The following EPHA5 variants were observed in gnomAD, a reference collection of about 807,000 sequenced individuals.
The protein encoded by EPHA5 is ephrin type-A receptor 5.
A neutral mutation model predicts 105.0 loss-of-function variants in EPHA5; 60 were observed. The ratio of observed to expected loss-of-function variants is 0.57; its 90% CI spans 0.46 to 0.71. The LOEUF (loss-of-function observed/expected upper bound fraction) is 0.71. Among genes scored for constraint, EPHA5 ranks in the 30% least tolerant of loss-of-function variants. The pLI is 0.00. For synonymous variants in EPHA5, 513 were observed against 449.1 expected, an observed-to-expected ratio of 1.14 and a Z score of -1.80; for missense variants, 1,218 against 1,274.7, an observed-to-expected ratio of 0.96 and a Z score of 0.68.
chr4:65,384,954 T>A (rs1353500420), intron 8 of EPHA5, among the ~76,000 whole-genome samples: 2 of 151,422 alleles, frequency 1.3e-5, no homozygotes, highest in Non-Finnish European at 2.9e-5. Flanking sequence ...CCCCAGTCAT[T>A]TCACAGCTGA....
Position 65,348,659 on chromosome 4 carries a change from G to GATAT in EPHA5, c.2446-460_2446-457dup, listed in dbSNP as rs36206921. Among the ~76,000 whole-genome samples, 338 of 60,072 alleles carry GATAT rather than the reference G, an allele frequency of 5.6e-3. 3 individuals carry two copies. Among genetic ancestry groups the GATAT allele is most frequent in the African/African-American group, 0.018 (308 of 16,970 alleles). 39.4% of individuals were successfully genotyped at this position (60,072 alleles called of 152,430 possible). On this transcript the variant is annotated intron_variant, in intron 13 of 16. Coordinates refer to ENST00000613740, the MANE Select transcript of EPHA5 (RefSeq NM_001281766.3). The stretch of plus-strand genomic sequence containing the variant: ...TAATAAGAAAAGCATAAACATTGGA[G>GATAT]ATATATATATATATATATATATATA...
intron 2 of EPHA5, among the ~76,000 whole-genome samples, chr4:65,619,890 C>T (rs1745560408): frequency 6.6e-6 from 1 of 151,344 alleles, no homozygotes; most frequent in Non-Finnish European, 1.5e-5. Context: ...AACACTCATT[C>T]ATAACAGTAT....
intron 5 of EPHA5, among the ~76,000 whole-genome samples, chr4:65,489,072 T>G (rs1039341903): frequency 6.6e-6 from 1 of 151,990 alleles, no homozygotes; most frequent in Admixed American, 6.6e-5. Flanking sequence ...TTATTATTTT[T>G]ATTTTTAGTA....
At chr4:65,461,350 A>G (rs1319004647) in intron 5 of EPHA5, among the ~76,000 whole-genome samples, 2 of 152,000 alleles carry the variant, frequency 1.3e-5, no homozygotes, top group Non-Finnish European at 2.9e-5. Context: ...CACATGTATT[A>G]AAAGGATGTC....
rs192087134 is a variant in EPHA5 at position 65,325,159 on chromosome 4, A to T, written c.2946-940T>A. On this transcript the variant is annotated intron_variant, in intron 16 of 16. Transcript: ENST00000613740. The stretch of plus-strand genomic sequence containing the variant: ...TTTCTCAAGGTAATTACCTTATTGA[A>T]CACATTATGTGAAAAGTGGAATCTT... Among the ~76,000 whole-genome samples, 594 of 151,540 alleles carry T rather than the reference A, an allele frequency of 3.9e-3. 2 individuals carry two copies. The highest frequency in any genetic ancestry group is 6.8e-3 in the Non-Finnish European group (458 of 67,606).
intron 15 of EPHA5, among the ~76,000 whole-genome samples, chr4:65,333,616 T>G (rs1261693697): frequency 6.9e-6 from 1 of 145,836 alleles, no homozygotes; most frequent in Non-Finnish European, 1.5e-5. Context: ...TGCTAGTCTT[T>G]TTTTTTTTTT....
rs140316853 is a variant in EPHA5, at chr4:65,445,382, T to TTTAAGAGCA, written c.1403-24826_1403-24818dup. Among the ~76,000 whole-genome samples, 659 of 152,254 alleles carry TTTAAGAGCA rather than the reference T, an allele frequency of 4.3e-3. 10 individuals carry two copies. The East Asian group carries it at 0.065, about 15-fold the overall frequency. On this transcript the variant is annotated intron_variant, in intron 5 of 16. Coordinates refer to ENST00000613740, the MANE Select transcript of EPHA5 (RefSeq NM_001281766.3). ...TATTTAATTGACTTATTCATCAGTG[T>TTTAAGAGCA]TTAAGAGCATTGATAATCACAGATG... is the stretch of plus-strand genomic sequence containing the variant.
intron 5 of EPHA5, among the ~76,000 whole-genome samples, chr4:65,439,379 A>ATCTTTGC: frequency 6.6e-6 from 1 of 152,038 alleles, no homozygotes; most frequent in Non-Finnish European, 1.5e-5. Flanking sequence ...AAGGTGCACA[A>ATCTTTGC]TCTTTGCTGA....
intron 5 of EPHA5, among the ~76,000 whole-genome samples, chr4:65,465,904 G>A (rs1409928657): frequency 2.6e-5 from 4 of 152,188 alleles, no homozygotes; most frequent in African/African-American, 9.6e-5. Flanking sequence ...TTTTCTGTGT[G>A]TACACACAAT....
At chr4:65,563,716 AT>A (rs890422957) in intron 3 of EPHA5, among the ~76,000 whole-genome samples, 1 of 151,998 alleles carries the variant, frequency 6.6e-6, no homozygotes, top group Non-Finnish European at 1.5e-5. Context: ...TGATGAAAAT[AT>A]TTGGAAATTA....
chr4:65,609,272 T>A (rs1304986265), intron 2 of EPHA5, among the ~76,000 whole-genome samples: 1 of 152,222 alleles, frequency 6.6e-6, no homozygotes, highest in African/African-American at 2.4e-5. Flanking sequence ...AACCTTGTTA[T>A]ATTTCCTCAA....
intron 8 of EPHA5, among the ~76,000 whole-genome samples, chr4:65,393,676 A>G (rs543995989): frequency 2.6e-5 from 4 of 152,208 alleles, no homozygotes; most frequent in African/African-American, 9.6e-5. Flanking sequence ...AAACACCTGG[A>G]TCTATCAGTA....
At chr4:65,327,242 C>T (rs1720170556) in intron 16 of EPHA5, among the ~76,000 whole-genome samples, 1 of 151,184 alleles carries the variant, frequency 6.6e-6, no homozygotes, top group Admixed American at 6.6e-5. Context: ...TTTGTCAGAA[C>T]ATTTCATACT....
At chr4:65,493,504 C>A (rs964425151) in intron 4 of EPHA5, among the ~76,000 whole-genome samples, 1 of 152,058 alleles carries the variant, frequency 6.6e-6, no homozygotes, top group East Asian at 1.9e-4. Flanking sequence ...AAATCATATG[C>A]AGTATTTGTG....
At chr4:65,554,520 A>G (rs1359466882) in intron 3 of EPHA5, among the ~76,000 whole-genome samples, 1 of 151,226 alleles carries the variant, frequency 6.6e-6, no homozygotes, top group Non-Finnish European at 1.5e-5. Flanking sequence ...ATAGTTGAGG[A>G]AAAAAGGTTT....
At chr4:65,664,286 G>A (rs1393740132) in intron 1 of EPHA5, among the ~76,000 whole-genome samples, 1 of 151,828 alleles carries the variant, frequency 6.6e-6, no homozygotes, top group Non-Finnish European at 1.5e-5. Flanking sequence ...TTTTCTAACT[G>A]TCATATCATG....
chr4:65,427,797 A>T (rs1201821375), intron 5 of EPHA5, among the ~76,000 whole-genome samples: 1 of 152,198 alleles, frequency 6.6e-6, no homozygotes, highest in East Asian at 1.9e-4. Context: ...CATAGTGAAT[A>T]CATCTTTGAT....
intron 3 of EPHA5, among the ~76,000 whole-genome samples, chr4:65,563,788 G>A (rs1189545597): frequency 6.6e-6 from 1 of 151,944 alleles, no homozygotes; most frequent in Non-Finnish European, 1.5e-5. Flanking sequence ...TCACATTTCT[G>A]TCCTATTGAA....
rs571831280 is a variant in EPHA5 at position 65,625,641 on chromosome 4, A to T, written c.246+17722T>A. 5.8e-4 allele frequency among the ~76,000 whole-genome samples: 89 copies of T among 152,326 alleles called. 1 individual carries two copies. The highest frequency in any genetic ancestry group is 5.4e-3 in the East Asian group (28 of 5,180). On this transcript the variant is annotated intron_variant, in intron 2 of 16. Transcript: ENST00000613740. ...AAAAGAACATGGAAAAAATGAACTA[A>T]AAAATCTCCTTGTCACTGTGGTTGT...
Sources: allele counts gnomAD v4.1 joint callset (sites outside exome capture counted in the v4.1 genomes callset), GRCh38; gene constraint gnomAD v4.1.1; transcripts MANE v1.5; gene names NCBI Gene and HGNC (gene_info 2026-07-23, HGNC 2026-07-21).